The following ABCD3 variants were observed in gnomAD, a reference collection of about 807,000 sequenced individuals.
The protein encoded by ABCD3 is ATP-binding cassette sub-family D member 3.
Under a neutral mutation model 105.5 loss-of-function variants are expected in ABCD3, and 41 were observed. That is an observed-to-expected ratio of 0.39 (90% CI 0.30 to 0.50). ABCD3 has a LOEUF of 0.50. Ranked by LOEUF, ABCD3 falls within the 20% of genes least tolerant of loss-of-function variation. ABCD3 has a pLI of 0.84. For synonymous variants in ABCD3, 258 were observed against 269.0 expected (o/e 0.96, Z 0.40); for missense variants, 622 against 806.3 (o/e 0.77, Z 2.77).
intron 1 of ABCD3, among the ~76,000 whole-genome samples, chr1:94,433,633 T>TTG (rs1225019303): frequency 2.0e-5 from 3 of 151,842 alleles, no homozygotes; most frequent in East Asian, 1.9e-4. Context: ...GGTCAGTTTT[T>TTG]TTTTTTTTTT....
intron 20 of ABCD3, 25 bp from the exon 21 acceptor site, chr1:94,506,513 A>G (rs770152798): frequency 2.0e-6 from 3 of 1,532,014 alleles, no homozygotes; most frequent in East Asian, 2.3e-5. Flanking sequence ...TGTGTTTTAC[A>G]CAAAAAATTT....
At chr1:94,435,780 C>T (rs1659880129) in intron 1 of ABCD3, among the ~76,000 whole-genome samples, 1 of 152,182 alleles carries the variant, frequency 6.6e-6, no homozygotes, top group African/African-American at 2.4e-5. Flanking sequence ...TCTTCATTTA[C>T]CAGTTATCAA....
intron 1 of ABCD3, among the ~76,000 whole-genome samples, chr1:94,446,728 G>A (rs1660359862): frequency 6.6e-6 from 1 of 152,206 alleles, no homozygotes; most frequent in African/African-American, 2.4e-5. Context: ...TTTCTCTACA[G>A]CACTGGCTGT....
intron 1 of ABCD3, chr1:94,455,731 A>G (rs1647520168): frequency 1.4e-6 from 1 of 711,350 alleles, no homozygotes; most frequent in East Asian, 6.5e-5. Context: ...CCTCTGAACA[A>G]GGTATTTCAT....
chr1:94,480,471 C>T lies in ABCD3; in HGVS notation c.692C>T (p.Ala231Val), dbSNP rs538746918. Residue 231 changes from alanine to valine, a missense_variant, in exon 9 of 23, where the codon GCG (alanine) becomes GTG (valine). Transcript: ENST00000370214. ...LTSAIGAQGPASMMAYLVVSG... is the reference protein window; with the variant it reads ...LTSAIGAQGPVSMMAYLVVSG... ...CTCTCCCAATAATAATAGGGCCCAG[C>T]GAGCATGATGGCCTACTTGGTTGTT... is the stretch of plus-strand genomic sequence containing the variant. 3.0e-5 allele frequency: 49 copies of T among 1,613,718 alleles called. No individual in the cohort carries two copies. The highest frequency in any genetic ancestry group is 6.7e-5 in the East Asian group (3 of 44,852).
At chr1:94,465,254 C>T (rs1379929503) in intron 3 of ABCD3, among the ~76,000 whole-genome samples, 1 of 152,178 alleles carries the variant, frequency 6.6e-6, no homozygotes, top group African/African-American at 2.4e-5. Context: ...TACATTTCAA[C>T]ATGAGATTTG....
chr1:94,416,017 A>G (rs1330207744), upstream of ABCD3, among the ~76,000 whole-genome samples: 1 of 152,190 alleles, frequency 6.6e-6, no homozygotes, highest in East Asian at 1.9e-4. Context: ...GTAATTTTTT[A>G]GAATCTCCCA....
intron 2 of ABCD3, among the ~76,000 whole-genome samples, chr1:94,460,915 T>G (rs558117437): frequency 3.3e-5 from 5 of 152,296 alleles, no homozygotes; most frequent in Non-Finnish European, 7.4e-5. Flanking sequence ...ATATCTCTTA[T>G]TTGCATATTG....
intron 1 of ABCD3, among the ~76,000 whole-genome samples, chr1:94,431,681 C>G (rs1405302556): frequency 1.3e-5 from 2 of 152,136 alleles, no homozygotes; most frequent in Non-Finnish European, 2.9e-5. Context: ...CCACCTCAGC[C>G]TCCTGAGTAG....
rs763691149 is a variant in ABCD3 at position 94,438,576 on chromosome 1, T to C, written c.110+19988T>C. ...AACAGCATAGTATGGCACAGAGAAC[T>C]CTTTTTGTGAAAGGAAGAGTTAATC... is the stretch of plus-strand genomic sequence containing the variant. On this transcript the variant is annotated intron_variant, in intron 1 of 22. Transcript: ENST00000370214. Among the ~76,000 whole-genome samples, 10 of 152,148 alleles carry C rather than the reference T, an allele frequency of 6.6e-5. No homozygotes were observed. The East Asian group carries it at 1.3e-3, about 20-fold the overall frequency.
the ABCD3 span, among the ~76,000 whole-genome samples, chr1:94,412,339 T>C: frequency 6.6e-6 from 1 of 152,196 alleles, no homozygotes; most frequent in African/African-American, 2.4e-5. Flanking sequence ...TATTCATCTA[T>C]AAGCAAATAA....
At chr1:94,420,038 T>C (rs1286589582) in intron 1 of ABCD3, among the ~76,000 whole-genome samples, 1 of 152,180 alleles carries the variant, frequency 6.6e-6, no homozygotes, top group Non-Finnish European at 1.5e-5. Flanking sequence ...TTTCAGGGCA[T>C]AGAACAGGTG....
At chr1:94,464,094 C>G (rs1648014753) in intron 2 of ABCD3, among the ~76,000 whole-genome samples, 1 of 151,742 alleles carries the variant, frequency 6.6e-6, no homozygotes, top group Non-Finnish European at 1.5e-5. Flanking sequence ...CTTTTTTTTC[C>G]CCTCATGACC....
intron 1 of ABCD3, among the ~76,000 whole-genome samples, chr1:94,443,443 G>A (rs1468580148): frequency 6.6e-6 from 1 of 152,082 alleles, no homozygotes; most frequent in African/African-American, 2.4e-5. Flanking sequence ...TTCCTTTGTT[G>A]TGTAGAAGCT....
chr1:94,480,569 G>C lies in ABCD3; in HGVS notation c.790G>C (p.Glu264Gln). Residue 264 changes from glutamate to glutamine, a missense_variant, in exon 9 of 23, where the codon GAA becomes CAA. Glu to Gln is a conservative substitution (Grantham distance 29, BLOSUM62 2). Transcript: ENST00000370214. ...AATAACTGAGCAAAAGTATGAAGGA[G>C]AATATAGATATGTTAATTCTCGGCT... ...MTITEQKYEG[E>Q]YRYVNSRLIT... 1 of 1,613,802 alleles carries C rather than the reference G, an allele frequency of 6.2e-7. No homozygotes were observed. The highest frequency in any genetic ancestry group is 8.5e-7 in the Non-Finnish European group (1 of 1,179,796).
chr1:94,508,997 T>C (rs1295135483), intron 21 of ABCD3, among the ~76,000 whole-genome samples: 4 of 152,116 alleles, frequency 2.6e-5, no homozygotes, highest in African/African-American at 9.7e-5. Flanking sequence ...TGCCTAATTG[T>C]CCTGGCCAGA....
At chr1:94,482,661 T>C (rs1269532471) in intron 9 of ABCD3, 1 of 162,242 alleles carries the variant, frequency 6.2e-6, no homozygotes. Context: ...GAGGATATGA[T>C]GGGGTTCCAG....
intron 1 of ABCD3, among the ~76,000 whole-genome samples, chr1:94,450,570 A>G (rs1660542398): frequency 1.3e-5 from 2 of 152,212 alleles, no homozygotes; most frequent in African/African-American, 4.8e-5. Flanking sequence ...CCATCCCTTT[A>G]TTTCCCGTAA....
intron 1 of ABCD3, among the ~76,000 whole-genome samples, chr1:94,425,176 A>G (rs911326508): frequency 2.0e-5 from 3 of 152,238 alleles, no homozygotes; most frequent in Admixed American, 1.3e-4. Flanking sequence ...ACAGTTTAAT[A>G]GAGTGTAAAC....
Sources: allele counts gnomAD v4.1 joint callset (sites outside exome capture counted in the v4.1 genomes callset), GRCh38; gene constraint gnomAD v4.1.1; transcripts MANE v1.5; gene names NCBI Gene and HGNC (gene_info 2026-07-23, HGNC 2026-07-21).